Variants in AOX1 observed in about 807,000 individuals in gnomAD.
AOX1 encodes aldehyde oxidase.
Under a neutral mutation model 169.5 loss-of-function variants are expected in AOX1, and 153 were observed. The observed-to-expected ratio is 0.90, with a 90% confidence interval of 0.79 to 1.03. The LOEUF is 1.03. Ranked by LOEUF, AOX1 falls within the 50% of genes least tolerant of loss-of-function variation. AOX1 has a pLI of 0.00. For synonymous variants in AOX1, 562 were observed against 581.9 expected (o/e 0.97, Z 0.49); for missense variants, 1,656 against 1,663.9 (o/e 1.00, Z 0.08).
At chr2:200,587,577 C>T (rs1428406870) in intron 1 of AOX1, among the ~76,000 whole-genome samples, 1 of 152,130 alleles carries the variant, frequency 6.6e-6, no homozygotes, top group Non-Finnish European at 1.5e-5. Flanking sequence ...CATTAGGCCC[C>T]TCAAAAACTT....
chr2:200,663,527 TACACAC>T, intron 31 of AOX1, among the ~76,000 whole-genome samples: 1 of 138,404 alleles, frequency 7.2e-6, no homozygotes. Flanking sequence ...TCTGAAGAGA[TACACAC>T]ACATACACAC....
In AOX1 at chr2:200,617,154, T is replaced by A. The variant is rs556393982; in HGVS notation, c.1704+1091T>A. On this transcript the variant is annotated intron_variant, in intron 16 of 34. Coordinates refer to ENST00000374700, the MANE Select transcript of AOX1 (RefSeq NM_001159.4). ...AGGAAAATCTTCACATAGTGCATGA[T>A]CTTGAATGAGAGTTTATCATTGATT... Among the ~76,000 whole-genome samples the A allele has an allele frequency of 2.6e-5, 4 of 152,318 alleles. No homozygotes were observed. The South Asian group carries it at 8.3e-4, about 32-fold the overall frequency.
At chr2:200,602,227 T>C (rs1353765903) in intron 5 of AOX1, 57 bp from the exon 6 acceptor site, 36 of 1,411,382 alleles carry the variant, frequency 2.6e-5, no homozygotes, top group Non-Finnish European at 3.3e-5. Flanking sequence ...ACACTCTTGG[T>C]AGACTGTGCC....
At chr2:200,665,238 G>C (rs2035903958) in intron 31 of AOX1, among the ~76,000 whole-genome samples, 2 of 152,202 alleles carry the variant, frequency 1.3e-5, no homozygotes, top group African/African-American at 2.4e-5. Flanking sequence ...AGTGACTACT[G>C]TCACCTCTGC....
intron 2 of AOX1, 51 bp from the exon 3 acceptor site, chr2:200,595,221 C>T: frequency 3.4e-6 from 5 of 1,454,466 alleles, no homozygotes; most frequent in Non-Finnish European, 3.8e-6. Context: ...CAGGGCTATT[C>T]TAGAAAGAGA....
chr2:200,647,651 G>C (rs1229895817), intron 25 of AOX1, among the ~76,000 whole-genome samples: 1 of 152,304 alleles, frequency 6.6e-6, no homozygotes, highest in African/African-American at 2.4e-5. Context: ...GGCTGGGGAA[G>C]TTTTCCTTGA....
chr2:200,642,447 T>C (rs991378391), intron 24 of AOX1, among the ~76,000 whole-genome samples, 163 bp from the exon 25 acceptor site: 2 of 148,666 alleles, frequency 1.3e-5, no homozygotes, highest in African/African-American at 2.6e-5. Flanking sequence ...TTAAAAATTA[T>C]TTTACAGCAA....
downstream of AOX1, among the ~76,000 whole-genome samples, chr2:200,680,127 G>A (rs2036139797): frequency 6.6e-6 from 1 of 151,926 alleles, no homozygotes; most frequent in Non-Finnish European, 1.5e-5. Flanking sequence ...GAAAAACAAG[G>A]ACGCGTATTC....
intron 20 of AOX1, among the ~76,000 whole-genome samples, chr2:200,631,242 G>C (rs2035120490): frequency 6.6e-6 from 1 of 152,308 alleles, no homozygotes; most frequent in African/African-American, 2.4e-5. Flanking sequence ...GAGGCTACCT[G>C]ATTGACCAGG....
intron 32 of AOX1, among the ~76,000 whole-genome samples, chr2:200,667,121 C>T (rs4674311): frequency 0.57 from 86,164 of 151,940 alleles, 24,758 homozygotes; most frequent in East Asian, 0.81. Context: ...GTTGGGATAA[C>T]AAGCCTCAAG....
intron 1 of AOX1, 139 bp from the exon 2 acceptor site, chr2:200,593,007 G>A (rs1195692788): frequency 1.5e-6 from 1 of 667,138 alleles, no homozygotes; most frequent in Non-Finnish European, 2.7e-6. Flanking sequence ...TATCACAGCT[G>A]TTCCATAAAG....
chr2:200,627,004 G>T (rs934655495), intron 19 of AOX1, among the ~76,000 whole-genome samples: 2 of 152,246 alleles, frequency 1.3e-5, no homozygotes, highest in Non-Finnish European at 2.9e-5. Context: ...TAGAGCCCAG[G>T]CTCTGAAGCC....
rs2034470021 is a variant in AOX1 at position 200,604,204 on chromosome 2, C to A, written c.669+107C>A. ...AAAGCTGATTGGCAAATAGGTGAGG[C>A]CTCTCTGTCATCCTTAGCTCAAGGT... On this transcript the variant is annotated intron_variant, in intron 8 of 34. Coordinates refer to ENST00000374700, the MANE Select transcript of AOX1 (RefSeq NM_001159.4). 6 of 802,026 alleles carry A rather than the reference C, an allele frequency of 7.5e-6. No homozygotes were observed. The East Asian group carries it at 1.0e-4, about 14-fold the overall frequency. 49.7% of individuals were successfully genotyped at this position (802,026 alleles called of 1,614,324 possible). A position where few individuals can be genotyped will look rare whatever the true frequency, so the allele number is the denominator to read the frequency against.
intron 20 of AOX1, among the ~76,000 whole-genome samples, chr2:200,633,032 G>A (rs1164671325): frequency 1.3e-5 from 2 of 151,896 alleles, no homozygotes; most frequent in East Asian, 1.9e-4. Context: ...GAGTAGCTGG[G>A]ATTACAGGCA....
Position 200,651,282 on chromosome 2 carries a change from AAGTCATATT to A in AOX1, c.3075+84_3075+92del, listed in dbSNP as rs1262039815. On this transcript the variant is annotated intron_variant, in intron 26 of 34. Transcript: ENST00000374700. ...AGAGGTGTTGAGGAAACTTCTCCTT[AAGTCATATT>A]AGCCATATGGTTGCAATGCCCAATT... The A allele has an allele frequency of 4.1e-6, 5 of 1,224,840 alleles. No individual in the cohort carries two copies. In the South Asian group the frequency reaches 5.2e-5, roughly 13 times the overall value. 75.9% of individuals were successfully genotyped at this position (1,224,840 alleles called of 1,614,324 possible).
intron 8 of AOX1, 140 bp downstream of exon 8, chr2:200,604,237 G>A (rs2034470573): frequency 4.5e-6 from 3 of 668,584 alleles, no homozygotes; most frequent in East Asian, 5.5e-5. Flanking sequence ...GGTCTAAAGA[G>A]TATGGACTAA....
Position 200,651,588 on chromosome 2 carries a change from G to A in AOX1, c.3075+387G>A, listed in dbSNP as rs752440073. On this transcript the variant is annotated intron_variant, in intron 26 of 34. Coordinates refer to ENST00000374700, the MANE Select transcript of AOX1 (RefSeq NM_001159.4). ...CTTCCAGTGTCCGCAATTCGGTGTC[G>A]CTGGACCATGAAATAGAAATGAGGA... Among the ~76,000 whole-genome samples, 131 of 152,062 alleles carry A rather than the reference G, an allele frequency of 8.6e-4. 2 individuals are homozygous for A. The highest frequency in any genetic ancestry group is 3.5e-4 in the Non-Finnish European group (24 of 68,010).
At chr2:200,629,967 A>G (rs945611559) in intron 20 of AOX1, among the ~76,000 whole-genome samples, 1 of 152,158 alleles carries the variant, frequency 6.6e-6, no homozygotes, top group Non-Finnish European at 1.5e-5. Flanking sequence ...TATAAACGCC[A>G]GCTGCAGTAG....
intron 12 of AOX1, among the ~76,000 whole-genome samples, chr2:200,610,285 T>A (rs2034607852): frequency 6.6e-6 from 1 of 152,174 alleles, no homozygotes; most frequent in African/African-American, 2.4e-5. Context: ...TTGGCCAGGC[T>A]GGTCTCGAAC....
Sources: allele counts gnomAD v4.1 joint callset (sites outside exome capture counted in the v4.1 genomes callset), GRCh38; gene constraint gnomAD v4.1.1; transcripts MANE v1.5; gene names NCBI Gene and HGNC (gene_info 2026-07-23, HGNC 2026-07-21).